Variants in MASP1 observed in about 807,000 individuals in gnomAD.
MASP1 encodes the protein MBL associated serine protease 1.
Under a neutral mutation model 77.1 loss-of-function variants are expected in MASP1, and 59 were observed. The observed-to-expected ratio is 0.77, with a 90% CI of 0.62 to 0.95. The LOEUF is 0.95. MASP1 is among the 40% of genes least tolerant of loss of function. The probability of loss-of-function intolerance (pLI) is 0.00; values close to 1 mark genes in which losing one functional copy is unlikely to be tolerated. For missense variants in MASP1, 885 were observed against 912.9 expected (o/e 0.97, Z 0.39); for synonymous variants, 362 against 354.5 (o/e 1.02, Z -0.24).
At chr3:187,244,692 G>C (rs1170904003) in intron 8 of MASP1, 1 of 152,226 alleles carries the variant, frequency 6.6e-6, no homozygotes, top group African/African-American at 2.4e-5. Context: ...ACCCAGGGCT[G>C]TTTTAGTAAA....
intron 8 of MASP1, among the ~76,000 whole-genome samples, chr3:187,248,161 A>T (rs1436617901): frequency 6.6e-6 from 1 of 152,186 alleles, no homozygotes; most frequent in East Asian, 1.9e-4. Context: ...TTTTGGGAGA[A>T]TAGGGTCATA....
At chr3:187,239,572 T>A (rs1713460855) in intron 10 of MASP1, among the ~76,000 whole-genome samples, 1 of 152,200 alleles carries the variant, frequency 6.6e-6, no homozygotes, top group South Asian at 2.1e-4. Context: ...CCCTAGCTTT[T>A]TTTTGCTCAC....
rs1212881968 is a variant in MASP1 at position 187,253,168 on chromosome 3, C to A, written c.892G>T (p.Gly298Ter). The change falls in exon 6 of 11, where the codon GGA becomes TGA. Residue 298 changes from glycine (G) to a stop codon, truncating the protein, a stop_gained and splice_region_variant. Transcript: ENST00000296280. LOFTEE classifies it high-confidence loss of function. The part of the protein sequence containing the change: ...RGWRLSYRAA[G>*]NECPELQPPV... The stretch of plus-strand genomic sequence containing the variant: ...TGTGACCTGGGAGGGAAGAGGTTAC[C>A]TGCAGCCCTGTATGAGAGCCTCCAG... 1 of 1,613,740 alleles carries A rather than the reference C, an allele frequency of 6.2e-7. No homozygotes were observed. The highest frequency in any genetic ancestry group is 1.7e-5 in the Admixed American group (1 of 59,994).
rs555289384 is a variant in MASP1, at chr3:187,248,941, T to A, written c.1090+1310A>T. 1.2e-3 allele frequency among the ~76,000 whole-genome samples: 190 copies of A among 152,366 alleles called. 2 individuals carry two copies. The highest frequency in any genetic ancestry group is 3.4e-3 in the Middle Eastern group (1 of 294). ...CCTTGGGACAATGGCAGGAGATTTGTCTGCCTGCTGAATCAAGGCCATGTA... is the reference window on the plus strand; with the variant it reads ...CCTTGGGACAATGGCAGGAGATTTGACTGCCTGCTGAATCAAGGCCATGTA... On this transcript the variant is annotated intron_variant, in intron 8 of 10. Transcript: ENST00000296280.
rs1713088655 is a variant in MASP1, at chr3:187,235,639, T to C, written c.*45A>G. Reference sequence around the variant, plus strand: ...GTGGAGTGTGCTGTCGGAAGTGCGGTGTAGCTTCGCTCAGGGGAGGCAGGC... The same window carrying C: ...GTGGAGTGTGCTGTCGGAAGTGCGGCGTAGCTTCGCTCAGGGGAGGCAGGC... On this transcript the variant is annotated 3_prime_UTR_variant, in exon 11 of 11. Transcript: ENST00000296280. 6.2e-7 allele frequency: 1 copy of C among 1,611,010 alleles called. No homozygotes were observed. Among genetic ancestry groups the C allele is most frequent in the Admixed American group, 1.7e-5 (1 of 59,982 alleles).
intron 8 of MASP1, among the ~76,000 whole-genome samples, chr3:187,249,255 A>G (rs2108536104): frequency 6.6e-6 from 1 of 151,998 alleles, no homozygotes; most frequent in South Asian, 2.1e-4. Context: ...ACTGAGTTTC[A>G]CCATGTTGGC....
chr3:187,243,318 T>C, intron 9 of MASP1, 166 bp downstream of exon 9: 1 of 735,478 alleles, frequency 1.4e-6, no homozygotes, highest in Admixed American at 2.0e-5. Context: ...TAACACAAGC[T>C]CATGAAAAGT....
intron 4 of MASP1, 126 bp from the exon 5 acceptor site, chr3:187,256,986 A>G (rs1715144974): frequency 1.3e-6 from 1 of 790,658 alleles, no homozygotes; most frequent in Non-Finnish European, 2.2e-6. Flanking sequence ...CGGCATCTCC[A>G]TTTTACAGAT....
chr3:187,280,286 G>T (rs919328282), intron 2 of MASP1, among the ~76,000 whole-genome samples: 2 of 152,212 alleles, frequency 1.3e-5, no homozygotes, highest in African/African-American at 4.8e-5. Context: ...GGGTTAAAAG[G>T]AGAACAGTGG....
In MASP1 at chr3:187,234,356, C is replaced by A. The variant is rs1391206909; in HGVS notation, c.*1328G>T. 1.6e-6 allele frequency: 2 copies of A among 1,287,142 alleles called. No homozygotes were observed. Among genetic ancestry groups the A allele is most frequent in the East Asian group, 5.5e-5 (1 of 18,038 alleles). The allele number at this position is 1,287,142 out of a possible 1,614,324, so 79.7% of individuals were successfully genotyped here. A position where few individuals can be genotyped will look rare whatever the true frequency, so the allele number is the denominator to read the frequency against. ...CCAGGGAGAAGGAGAACAATCAGCC[C>A]TGTGAGGGCCAGAGAGGCTGCTAGC... On this transcript the variant is annotated 3_prime_UTR_variant, in exon 11 of 11. Transcript: ENST00000296280.
chr3:187,284,119 C>G (rs567050233), intron 2 of MASP1, among the ~76,000 whole-genome samples: 1 of 152,312 alleles, frequency 6.6e-6, no homozygotes, highest in Non-Finnish European at 1.5e-5. Context: ...TTAGAGCAAC[C>G]AGTTCCACAT....
At chr3:187,241,678 C>G (rs1467409934) in intron 9 of MASP1, 123 bp from the exon 10 acceptor site, 1 of 719,000 alleles carries the variant, frequency 1.4e-6, no homozygotes, top group Non-Finnish European at 2.6e-6. Context: ...AAATGGTCAT[C>G]TAGGCTCAGA....
intron 2 of MASP1, among the ~76,000 whole-genome samples, chr3:187,285,156 AT>A (rs5855131): frequency 0.71 from 107,001 of 150,704 alleles, 38,264 homozygotes; most frequent in African/African-American, 0.82. Flanking sequence ...CACCCATGGA[AT>A]TTTTTTTTTT....
In MASP1 at chr3:187,235,644, C is replaced by A. The variant is rs1436427563; in HGVS notation, c.*40G>T. ...GTGTGCTGTCGGAAGTGCGGTGTAG[C>A]TTCGCTCAGGGGAGGCAGGCCCCGA... On this transcript the variant is annotated 3_prime_UTR_variant, in exon 11 of 11. Coordinates refer to ENST00000296280, the MANE Select transcript of MASP1 (RefSeq NM_139125.4). The A allele has an allele frequency of 1.9e-6, 3 of 1,611,884 alleles. No homozygotes were observed. The highest frequency in any genetic ancestry group is 2.5e-6 in the Non-Finnish European group (3 of 1,180,008).
intron 8 of MASP1, chr3:187,247,403 A>C (rs778183711): frequency 6.2e-7 from 1 of 1,614,142 alleles, no homozygotes; most frequent in Non-Finnish European, 8.5e-7. Context: ...CATGGTGAAG[A>C]TCAAAGAGGG....
At chr3:187,273,535 G>T (rs1045785854) in intron 2 of MASP1, among the ~76,000 whole-genome samples, 5 of 152,108 alleles carry the variant, frequency 3.3e-5, no homozygotes, top group African/African-American at 1.2e-4. Flanking sequence ...ATGATTCACC[G>T]ACAGCCCCGG....
chr3:187,235,171 ACC>A lies in MASP1; in HGVS notation c.*511_*512del, dbSNP rs754562252. ...GCTTGGCTATGAGCCATCTCCCAAA[ACC>A]TGAATGCTCTTCTCCTAGAGGAAGG... On this transcript the variant is annotated 3_prime_UTR_variant, in exon 11 of 11. Coordinates refer to ENST00000296280, the MANE Select transcript of MASP1 (RefSeq NM_139125.4). 172 of 1,287,580 alleles carry A rather than the reference ACC, an allele frequency of 1.3e-4. No individual in the cohort carries two copies. The highest frequency in any genetic ancestry group is 1.7e-4 in the Non-Finnish European group (166 of 989,044). The allele number at this position is 1,287,580 out of a possible 1,614,324, so 79.8% of individuals were successfully genotyped here.
At position 187,288,676 on chromosome 3, in the gene MASP1, C is replaced by T. The variant is rs1191331494; in HGVS notation, c.6-2620G>A. ...GAGCTTTGGCTCCTAAACCGGACTT[C>T]CCTATAATAGCGACACCCAAATTAT... On this transcript the variant is annotated intron_variant, in intron 1 of 10. Transcript: ENST00000296280. Among the ~76,000 whole-genome samples, 60 of 152,306 alleles carry T rather than the reference C, an allele frequency of 3.9e-4. 2 individuals carry two copies. Among genetic ancestry groups the T allele is most frequent in the Non-Finnish European group, 2.9e-5 (2 of 68,032 alleles).
downstream of MASP1, chr3:187,229,616 G>T: frequency 9.2e-7 from 1 of 1,081,860 alleles, no homozygotes; most frequent in Non-Finnish European, 1.3e-6. Context: ...CCAGGATCCA[G>T]TCTAGCCGAG....
Sources: gnomAD v4.1 joint callset for allele counts (sites outside exome capture counted in the v4.1 genomes callset) on GRCh38, gnomAD v4.1.1 for gene constraint, MANE v1.5 for transcripts, NCBI Gene and HGNC (gene_info 2026-07-23, HGNC 2026-07-21) for gene names.